SDK1: variants seen among roughly 807,000 people sequenced by gnomAD.
SDK1 encodes protein sidekick-1.
A neutral mutation model predicts 245.5 loss-of-function variants in SDK1; 157 were observed. That is an observed-to-expected ratio of 0.64 (90% confidence interval 0.56 to 0.73). SDK1 has a LOEUF of 0.73. Among genes scored for constraint, SDK1 ranks in the 30% least tolerant of loss-of-function variants. SDK1 has a pLI of 0.00. For synonymous variants in SDK1, 1,647 were observed against 1,278.5 expected (o/e 1.29, Z -6.15); for missense variants, 3,583 against 3,002.3 (o/e 1.19, Z -4.52).
rs1323971470 is a variant in SDK1 at position 4,173,106 on chromosome 7, C to T, written c.4801-1116C>T. On this transcript the variant is annotated intron_variant, in intron 32 of 44. Coordinates refer to ENST00000404826, the MANE Select transcript of SDK1 (RefSeq NM_152744.4). Reference sequence around the variant, plus strand: ...GGATGGTGCTGCGGTGTGGGTGCCTCACAGTGAGCCCGACACCGGAAGTTC... The same window carrying T: ...GGATGGTGCTGCGGTGTGGGTGCCTTACAGTGAGCCCGACACCGGAAGTTC... 2.6e-5 allele frequency among the ~76,000 whole-genome samples: 4 copies of T among 152,236 alleles called. No homozygotes were observed. The East Asian group carries it at 7.7e-4, about 29-fold the overall frequency.
chr7:3,700,974 C>T (rs1024927300), intron 4 of SDK1, among the ~76,000 whole-genome samples: 11 of 152,048 alleles, frequency 7.2e-5, no homozygotes, highest in Admixed American at 2.0e-4. Flanking sequence ...ATGTGGAGAG[C>T]GGACATCTTG....
chr7:3,457,701 A>C (rs1291919532), intron 1 of SDK1, among the ~76,000 whole-genome samples: 3 of 152,088 alleles, frequency 2.0e-5, no homozygotes, highest in Non-Finnish European at 4.4e-5. Context: ...ATCTTCCTCT[A>C]AGAGCTACAC....
At chr7:3,377,305 A>G (rs1264851037) in intron 1 of SDK1, among the ~76,000 whole-genome samples, 1 of 152,116 alleles carries the variant, frequency 6.6e-6, no homozygotes, top group East Asian at 1.9e-4. Context: ...CTAAATATCC[A>G]TGTTTAACGA....
At chr7:3,891,046 G>C (rs1023163248) in intron 5 of SDK1, among the ~76,000 whole-genome samples, 1 of 152,150 alleles carries the variant, frequency 6.6e-6, no homozygotes, top group Admixed American at 6.5e-5. Context: ...TGGGACCCAG[G>C]CTCTGGTGGA....
chr7:3,940,890 C>A (rs141068126), intron 5 of SDK1, among the ~76,000 whole-genome samples: 122 of 152,158 alleles, frequency 8.0e-4, no homozygotes, highest in African/African-American at 2.8e-3. Context: ...TGTGCTCACT[C>A]CTCACACTCT....
intron 4 of SDK1, among the ~76,000 whole-genome samples, chr7:3,734,859 A>G (rs974463518): frequency 1.3e-5 from 2 of 152,154 alleles, no homozygotes; most frequent in Non-Finnish European, 2.9e-5. Flanking sequence ...TTTCATCTCA[A>G]GTAGTCCATA....
At chr7:3,758,314 T>C (rs758314103) in intron 4 of SDK1, among the ~76,000 whole-genome samples, 8 of 152,248 alleles carry the variant, frequency 5.3e-5, no homozygotes, top group Non-Finnish European at 1.0e-4. Context: ...CTCATTTCCC[T>C]CATTCTTCCT....
chr7:4,028,431 G>A (rs1461542593), intron 17 of SDK1, among the ~76,000 whole-genome samples: 2 of 152,210 alleles, frequency 1.3e-5, no homozygotes, highest in Non-Finnish European at 2.9e-5. Flanking sequence ...ACGTGTGCAG[G>A]CAAATCTCTC....
At chr7:3,540,232 C>A (rs1283425343) in intron 1 of SDK1, among the ~76,000 whole-genome samples, 1 of 152,178 alleles carries the variant, frequency 6.6e-6, no homozygotes, top group Non-Finnish European at 1.5e-5. Flanking sequence ...CATGACGAAA[C>A]CCCATCACTA....
intron 5 of SDK1, among the ~76,000 whole-genome samples, chr7:3,877,192 C>G (rs1270371705): frequency 2.6e-5 from 4 of 152,184 alleles, no homozygotes; most frequent in African/African-American, 9.7e-5. Context: ...GTCTTTCAGT[C>G]CCTAAACCCT....
chr7:3,745,483 C>G (rs530284293), intron 4 of SDK1, among the ~76,000 whole-genome samples: 38 of 152,214 alleles, frequency 2.5e-4, no homozygotes, highest in African/African-American at 9.1e-4. Context: ...ATACTGTTAA[C>G]TAGAATAGAA....
chr7:3,575,423 C>G (rs765154963), intron 1 of SDK1, among the ~76,000 whole-genome samples: 4 of 152,120 alleles, frequency 2.6e-5, no homozygotes, highest in Middle Eastern at 6.8e-3. Context: ...GTTAGGGCAT[C>G]AAACGAATGA....
intron 22 of SDK1, among the ~76,000 whole-genome samples, chr7:4,102,499 A>G (rs145961851): frequency 0.015 from 2,241 of 152,236 alleles, 23 homozygotes; most frequent in Non-Finnish European, 0.024. Context: ...CCACCTCCTC[A>G]CGTCCCTCCT....
intron 14 of SDK1, among the ~76,000 whole-genome samples, chr7:4,005,992 C>T (rs1202122744): frequency 6.6e-6 from 1 of 152,182 alleles, no homozygotes; most frequent in Non-Finnish European, 1.5e-5. Flanking sequence ...CGCTTGAACC[C>T]AGGAGCGGAG....
At chr7:3,823,999 C>T (rs1379455985) in intron 5 of SDK1, among the ~76,000 whole-genome samples, 2 of 144,068 alleles carry the variant, frequency 1.4e-5, no homozygotes, top group Non-Finnish European at 3.0e-5. Flanking sequence ...ATTTTGAAAA[C>T]CTCTAAAAGT....
intron 42 of SDK1, 66 bp downstream of exon 42, chr7:4,237,850 T>C: frequency 6.4e-7 from 1 of 1,568,034 alleles, no homozygotes; most frequent in Non-Finnish European, 8.7e-7. Context: ...GCGTTCGTTC[T>C]CTCGTGGATC....
chr7:3,536,985 T>G (rs1477893403), intron 1 of SDK1, among the ~76,000 whole-genome samples: 1 of 152,192 alleles, frequency 6.6e-6, no homozygotes, highest in African/African-American at 2.4e-5. Context: ...ATCTCTCTAT[T>G]TTTTTAATTG....
In SDK1 at chr7:4,217,385, G is replaced by A. The variant is rs571890843; in HGVS notation, c.5540-2724G>A. Reference sequence around the variant, plus strand: ...GGCCACCCGGAGCACCAGGCCACCCGGAGCACCACACCACCCGGAGCACCA... The same window carrying A: ...GGCCACCCGGAGCACCAGGCCACCCAGAGCACCACACCACCCGGAGCACCA... On this transcript the variant is annotated intron_variant, in intron 38 of 44. Coordinates refer to ENST00000404826, the MANE Select transcript of SDK1 (RefSeq NM_152744.4). 7.9e-5 allele frequency among the ~76,000 whole-genome samples: 11 copies of A among 139,388 alleles called. No homozygotes were observed. The East Asian group carries it at 2.2e-3, about 28-fold the overall frequency. 91.4% of individuals were successfully genotyped at this position (139,388 alleles called of 152,430 possible).
At chr7:3,998,368 A>G (rs1784834830) in intron 14 of SDK1, among the ~76,000 whole-genome samples, 2 of 152,282 alleles carry the variant, frequency 1.3e-5, no homozygotes, top group Admixed American at 6.5e-5. Flanking sequence ...ACTGACTTGA[A>G]TGAGCAGTTT....
Sources: gnomAD v4.1 joint callset for allele counts (sites outside exome capture counted in the v4.1 genomes callset) on GRCh38, gnomAD v4.1.1 for gene constraint, MANE v1.5 for transcripts, NCBI Gene and HGNC (gene_info 2026-07-23, HGNC 2026-07-21) for gene names.